Variants in ATP2B2 observed in about 807,000 individuals in gnomAD.
ATP2B2 encodes the protein ATPase plasma membrane Ca2+ transporting 2, also known as plasma membrane calcium-transporting ATPase 2.
Under a neutral mutation model 120.0 loss-of-function variants are expected in ATP2B2, and 15 were observed. The ratio of observed to expected loss-of-function variants is 0.12; its 90% CI spans 0.08 to 0.19. The LOEUF is 0.19. Ranked by LOEUF, ATP2B2 falls within the 10% of genes least tolerant of loss-of-function variation. ATP2B2 has a pLI of 1.00. For synonymous variants in ATP2B2, 694 were observed against 700.3 expected (o/e 0.99, Z 0.14); for missense variants, 1,045 against 1,719.8 (o/e 0.61, Z 6.94).
chr3:10,493,854 A>G (rs1235497185), intron 1 of ATP2B2, among the ~76,000 whole-genome samples: 1 of 152,046 alleles, frequency 6.6e-6, no homozygotes, highest in Non-Finnish European at 1.5e-5. Context: ...GAAGGGGGAG[A>G]CCCTTAGGTG....
intron 2 of ATP2B2, among the ~76,000 whole-genome samples, chr3:10,557,709 C>T (rs1284934612): frequency 6.6e-6 from 1 of 152,174 alleles, no homozygotes; most frequent in African/African-American, 2.4e-5. Flanking sequence ...AGGGTACATT[C>T]TACACCATTA....
intron 2 of ATP2B2, among the ~76,000 whole-genome samples, chr3:10,448,565 C>T (rs995109635): frequency 6.6e-6 from 1 of 152,164 alleles, no homozygotes; most frequent in Non-Finnish European, 1.5e-5. Flanking sequence ...GAAAAGCCCC[C>T]AGGAGCTGAA....
At chr3:10,539,799 C>T (rs749846937) in intron 2 of ATP2B2, among the ~76,000 whole-genome samples, 6 of 152,240 alleles carry the variant, frequency 3.9e-5, no homozygotes, top group Admixed American at 6.5e-5. Flanking sequence ...ATTCAGGACA[C>T]AGGCATGGGC....
At chr3:10,485,348 G>A (rs1283169461) in intron 1 of ATP2B2, among the ~76,000 whole-genome samples, 1 of 152,228 alleles carries the variant, frequency 6.6e-6, no homozygotes, top group Non-Finnish European at 1.5e-5. Context: ...TGACAGGGCT[G>A]GGAGCTTTGC....
chr3:10,430,613 T>C (rs2063285645), intron 2 of ATP2B2, among the ~76,000 whole-genome samples: 3 of 151,982 alleles, frequency 2.0e-5, no homozygotes, highest in Admixed American at 2.0e-4. Flanking sequence ...GCTCCACTTA[T>C]CTTTGGGTAT....
chr3:10,679,824 G>A, intron 1 of ATP2B2, among the ~76,000 whole-genome samples: 1 of 150,676 alleles, frequency 6.6e-6, no homozygotes, highest in East Asian at 1.9e-4. Flanking sequence ...TCTGGTGCCT[G>A]TGAATGGTAA....
intron 1 of ATP2B2, among the ~76,000 whole-genome samples, chr3:10,650,781 G>A (rs991178590): frequency 6.6e-6 from 1 of 152,208 alleles, no homozygotes; most frequent in Admixed American, 6.5e-5. Context: ...CGTGCACCTG[G>A]AAAAGCCACA....
intron 2 of ATP2B2, among the ~76,000 whole-genome samples, chr3:10,419,980 ACCT>A (rs1439929711): frequency 6.6e-6 from 1 of 152,248 alleles, no homozygotes; most frequent in Non-Finnish European, 1.5e-5. Flanking sequence ...CACAAGGGTG[ACCT>A]CGTGGCCCTG....
At position 10,347,939 on chromosome 3, in the gene ATP2B2, C is replaced by T. The variant is rs1241085449; in HGVS notation, c.2405-1802G>A. Among the ~76,000 whole-genome samples the T allele has an allele frequency of 6.6e-6, 1 of 152,088 alleles. No homozygotes were observed. Among genetic ancestry groups the T allele is most frequent in the African/African-American group, 2.4e-5 (1 of 41,396 alleles). ...TATTTCCACCATGGACCACACCTTC[C>T]TCCTCCACAGGCCTCCTTCCTTGTC... On this transcript the variant is annotated intron_variant, in intron 16 of 22. Transcript: ENST00000360273. This position sits in a 1 kb window ranked among gnomAD's most constrained non-coding sequence, Gnocchi z 5.2.
chr3:10,604,849 C>T (rs1051352896), intron 2 of ATP2B2, among the ~76,000 whole-genome samples: 2 of 152,180 alleles, frequency 1.3e-5, no homozygotes, highest in African/African-American at 4.8e-5. Flanking sequence ...TTTTTCACAG[C>T]TCGTGGGTGT....
At chr3:10,570,517 G>C (rs954332688) in intron 2 of ATP2B2, 1 of 152,188 alleles carries the variant, frequency 6.6e-6, no homozygotes, top group African/African-American at 2.4e-5. Context: ...AGCCATCATG[G>C]GCTCTACTTG....
chr3:10,701,128 A>C (rs1374884015), intron 1 of ATP2B2, among the ~76,000 whole-genome samples: 1 of 152,212 alleles, frequency 6.6e-6, no homozygotes, highest in Non-Finnish European at 1.5e-5. Context: ...GAGGGGGAGG[A>C]GGAAGAGGAC....
intron 1 of ATP2B2, among the ~76,000 whole-genome samples, chr3:10,454,232 G>A (rs2064173746): frequency 1.3e-5 from 2 of 152,206 alleles, no homozygotes; most frequent in South Asian, 4.1e-4. Context: ...GGGACCCCCA[G>A]GTGCTGTGGA....
intron 1 of ATP2B2, among the ~76,000 whole-genome samples, chr3:10,465,405 G>A (rs2064693014): frequency 6.6e-6 from 1 of 152,272 alleles, no homozygotes; most frequent in Non-Finnish European, 1.5e-5. Flanking sequence ...ACTTGGCAGA[G>A]AAAGAGTGGG....
chr3:10,574,959 G>A (rs2068210428), intron 2 of ATP2B2, among the ~76,000 whole-genome samples: 1 of 152,152 alleles, frequency 6.6e-6, no homozygotes, highest in South Asian at 2.1e-4. Context: ...AGGGCTGGCT[G>A]ACTTGACACC....
intron 1 of ATP2B2, among the ~76,000 whole-genome samples, chr3:10,488,043 A>G (rs1559401693): frequency 6.6e-6 from 1 of 151,064 alleles, no homozygotes; most frequent in African/African-American, 2.4e-5. Flanking sequence ...TCATTCATCC[A>G]TCTCTCTCTC....
intron 5 of ATP2B2, among the ~76,000 whole-genome samples, chr3:10,392,135 T>C (rs1575101020): frequency 6.6e-6 from 1 of 152,222 alleles, no homozygotes; most frequent in East Asian, 1.9e-4. Context: ...CATGAGCCCC[T>C]TGAAGGCAGT....
In ATP2B2 at chr3:10,418,513, G is replaced by C. The variant is rs577795190; in HGVS notation, c.200-7698C>G. 2.0e-5 allele frequency among the ~76,000 whole-genome samples: 3 copies of C among 152,300 alleles called. No individual in the cohort carries two copies. In the South Asian group the frequency reaches 6.2e-4, roughly 32 times the overall value. The stretch of plus-strand genomic sequence containing the variant: ...GAGAGGCTGGGCTGTATCAAAAGTA[G>C]AGCCCAACTGGGAGGGACTCAAGGT... On this transcript the variant is annotated intron_variant, in intron 2 of 22. Coordinates refer to ENST00000360273, the MANE Select transcript of ATP2B2 (RefSeq NM_001001331.4).
At chr3:10,527,424 C>T (rs2067119754) in intron 3 of ATP2B2, among the ~76,000 whole-genome samples, 1 of 152,220 alleles carries the variant, frequency 6.6e-6, no homozygotes, top group African/African-American at 2.4e-5. Context: ...CCTGGGTCTT[C>T]TGGCTACAGA....
Sources: gnomAD v4.1 joint callset for allele counts (sites outside exome capture counted in the v4.1 genomes callset) on GRCh38, gnomAD v4.1.1 for gene constraint, Gnocchi (gnomAD v3.1) non-coding constraint, MANE v1.5 for transcripts, NCBI Gene and HGNC (gene_info 2026-07-23, HGNC 2026-07-21) for gene names.